The following ASPH variants were observed in gnomAD, a reference collection of about 807,000 sequenced individuals.
ASPH encodes the protein aspartate beta-hydroxylase.
Under a neutral mutation model 118.4 loss-of-function variants are expected in ASPH, and 100 were observed. That is an observed-to-expected ratio of 0.84 (90% CI 0.72 to 1.00). The LOEUF (loss-of-function observed/expected upper bound fraction) is 1.00. Among genes scored for constraint, ASPH ranks in the 50% least tolerant of loss-of-function variants. The pLI is 0.00. For missense variants in ASPH, 920 were observed against 919.5 expected, an observed-to-expected ratio of 1.00 and a Z score of -0.01; for synonymous variants, 315 against 325.6, an observed-to-expected ratio of 0.97 and a Z score of 0.35.
At position 61,638,451 on chromosome 8, in the gene ASPH, T is replaced by A. The variant is rs116330472; in HGVS notation, c.791-88A>T. On this transcript the variant is annotated intron_variant, in intron 10 of 24. Coordinates refer to ENST00000379454, the MANE Select transcript of ASPH (RefSeq NM_004318.4). ...ATGCTTTAAGGGCAGAGACAATGCC[T>A]TATGCATCTTTGAACCTGCAAGGTT... 1.1e-3 allele frequency: 1,294 copies of A among 1,136,022 alleles called. 11 individuals are homozygous for A. In the African/African-American group the frequency reaches 0.017, roughly 15 times the overall value. The allele number at this position is 1,136,022 out of a possible 1,614,324, so 70.4% of individuals were successfully genotyped here.
Position 61,624,626 on chromosome 8 carries a change from C to T in ASPH, c.935-5607G>A, listed in dbSNP as rs532995716. 2.5e-4 allele frequency: 249 copies of T among 985,334 alleles called. 1 individual carries two copies. The South Asian group carries it at 8.0e-3, about 32-fold the overall frequency. The allele number at this position is 985,334 out of a possible 1,614,324, so 61.0% of individuals were successfully genotyped here. A position where few individuals can be genotyped will look rare whatever the true frequency, so the allele number is the denominator to read the frequency against. ...AATCCACCGATGTTGCACAATGGCACATATTTGTAAAGACAAGGCTCATTA... is the reference window on the plus strand; with the variant it reads ...AATCCACCGATGTTGCACAATGGCATATATTTGTAAAGACAAGGCTCATTA... On this transcript the variant is annotated intron_variant, in intron 13 of 24. Transcript: ENST00000379454.
chr8:61,525,367 C>T (rs1563695636), intron 22 of ASPH, among the ~76,000 whole-genome samples: 1 of 145,066 alleles, frequency 6.9e-6, no homozygotes, highest in East Asian at 2.4e-4. Context: ...CACACACACA[C>T]ACATACACAC....
At position 61,578,693 on chromosome 8, in the gene ASPH, G is replaced by A. The variant is rs897822000; in HGVS notation, c.1063-1835C>T. The A allele has an allele frequency of 6.8e-5, 109 of 1,606,856 alleles. 1 individual carries two copies. The Middle Eastern group carries it at 1.3e-3, about 19-fold the overall frequency. ...AGCTGGAGACTCTGGGCCAGGAGAA[G>A]CTGAAGCTGGAGGCGGAGCTTGGCA... On this transcript the variant is annotated intron_variant, in intron 15 of 24. Coordinates refer to ENST00000379454, the MANE Select transcript of ASPH (RefSeq NM_004318.4).
intron 24 of ASPH, among the ~76,000 whole-genome samples, chr8:61,505,016 C>G (rs139199998): frequency 0.088 from 13,377 of 152,082 alleles, 680 homozygotes; most frequent in Non-Finnish European, 0.12. Context: ...CAAATCTCAT[C>G]TTGAATTGTA....
At chr8:61,544,850 T>C (rs1300478057) in intron 21 of ASPH, among the ~76,000 whole-genome samples, 1 of 152,178 alleles carries the variant, frequency 6.6e-6, no homozygotes, top group Non-Finnish European at 1.5e-5. Flanking sequence ...AAAGAAAGTA[T>C]AAAGGGCTTT....
At chr8:61,665,577 T>C in intron 3 of ASPH, 4 of 1,591,910 alleles carry the variant, frequency 2.5e-6, no homozygotes, top group Non-Finnish European at 2.6e-6. Flanking sequence ...TCTTTCTCCT[T>C]CTTGAGCTCT....
Position 61,614,749 on chromosome 8 carries a change from C to G in ASPH, c.976+4229G>C, listed in dbSNP as rs1433315081. 2.6e-5 allele frequency among the ~76,000 whole-genome samples: 4 copies of G among 152,118 alleles called. No homozygotes were observed. In the East Asian group the frequency reaches 7.7e-4, roughly 29 times the overall value. ...TCAAGTGATCCTCCCCTTGGCCTTC[C>G]AAAGTGCTGAGATTATAGGCATTAG... On this transcript the variant is annotated intron_variant, in intron 14 of 24. Transcript: ENST00000379454.
Position 61,653,550 on chromosome 8 carries a change from G to A in ASPH, c.415+18C>T. The stretch of plus-strand genomic sequence containing the variant: ...TCTGGCACACCTGGGCGAGACTCGA[G>A]GATGAGGACAAGCTTACCTGCCTCC... On this transcript the variant is annotated intron_variant, in intron 4 of 24. Coordinates refer to ENST00000379454, the MANE Select transcript of ASPH (RefSeq NM_004318.4). The A allele has an allele frequency of 6.2e-7, 1 of 1,611,504 alleles. No individual in the cohort carries two copies. Among genetic ancestry groups the A allele is most frequent in the Non-Finnish European group, 8.5e-7 (1 of 1,179,128 alleles).
At chr8:61,612,899 C>G (rs1242639905) in intron 14 of ASPH, among the ~76,000 whole-genome samples, 4 of 152,140 alleles carry the variant, frequency 2.6e-5, no homozygotes, top group African/African-American at 9.7e-5. Context: ...AAAGTTAATT[C>G]ATAGTTTGAC....
chr8:61,704,232 A>C (rs1835995679), intron 1 of ASPH, among the ~76,000 whole-genome samples: 2 of 107,702 alleles, frequency 1.9e-5, no homozygotes, highest in South Asian at 5.7e-4. Context: ...AAAAAAAAAA[A>C]ACAGAGGGGC....
At position 61,714,290 on chromosome 8, in the gene ASPH, T is replaced by C; in HGVS notation, c.82A>G (p.Ser28Gly). The part of the protein sequence containing the change: ...SGSGSTSAGS[S>G]SPGARRETKH... The stretch of plus-strand genomic sequence containing the variant: ...TGACCTCTCCGGGCCCCGGGGCTGC[T>C]GCTGCCCGCACTCGTGCTACCGCTG... Residue 28 changes from serine to glycine, a missense_variant, in exon 1 of 25, where the codon AGC becomes GGC. Physicochemically the swap from Ser to Gly is moderately conservative, Grantham distance 56. Coordinates refer to ENST00000379454, the MANE Select transcript of ASPH (RefSeq NM_004318.4). 6.6e-7 allele frequency: 1 copy of C among 1,521,426 alleles called. No homozygotes were observed. Among genetic ancestry groups the C allele is most frequent in the Non-Finnish European group, 8.8e-7 (1 of 1,136,286 alleles). The allele number at this position is 1,521,426 out of a possible 1,614,324, so 94.2% of individuals were successfully genotyped here.
intron 15 of ASPH, chr8:61,579,364 T>C: frequency 6.2e-7 from 1 of 1,614,064 alleles, no homozygotes; most frequent in Non-Finnish European, 8.5e-7. Context: ...AACGTCAAGC[T>C]GGCCCTGGAC....
At chr8:61,674,951 G>C (rs999778701) in intron 3 of ASPH, among the ~76,000 whole-genome samples, 1 of 152,144 alleles carries the variant, frequency 6.6e-6, no homozygotes, top group Non-Finnish European at 1.5e-5. Context: ...CCTTCAAAAA[G>C]TAACATCCCT....
chr8:61,698,591 A>G (rs1834484931), intron 1 of ASPH, among the ~76,000 whole-genome samples: 1 of 152,188 alleles, frequency 6.6e-6, no homozygotes, highest in South Asian at 2.1e-4. Context: ...TGATCAAGTT[A>G]ACTTTTAGCC....
At chr8:61,663,988 A>G (rs959958090) in intron 3 of ASPH, 2 of 863,040 alleles carry the variant, frequency 2.3e-6, no homozygotes, top group Non-Finnish European at 2.8e-6. Flanking sequence ...GTAAATAAAT[A>G]TGTTTTAAAA....
intron 14 of ASPH, among the ~76,000 whole-genome samples, chr8:61,615,234 T>C (rs1848642203): frequency 6.6e-6 from 1 of 152,158 alleles, no homozygotes; most frequent in Non-Finnish European, 1.5e-5. Context: ...CTGAGGACCA[T>C]GAGAATGCTC....
chr8:61,563,763 T>A (rs1315656033), intron 17 of ASPH, among the ~76,000 whole-genome samples: 1 of 152,214 alleles, frequency 6.6e-6, no homozygotes, highest in Non-Finnish European at 1.5e-5. Context: ...ATACCTTTCC[T>A]TCCCCCTATC....
intron 1 of ASPH, among the ~76,000 whole-genome samples, chr8:61,684,924 A>G (rs1048935941): frequency 6.6e-6 from 1 of 152,208 alleles, no homozygotes; most frequent in African/African-American, 2.4e-5. Flanking sequence ...GATATACAAT[A>G]TTCAAATTTC....
chr8:61,582,357 A>G (rs529003780), intron 15 of ASPH, among the ~76,000 whole-genome samples: 3 of 152,238 alleles, frequency 2.0e-5, no homozygotes, highest in Non-Finnish European at 4.4e-5. Context: ...CACCTGTGCA[A>G]TAGGCACTCC....
Sources: allele counts gnomAD v4.1 joint callset (sites outside exome capture counted in the v4.1 genomes callset), GRCh38; gene constraint gnomAD v4.1.1; transcripts MANE v1.5; gene names NCBI Gene and HGNC (gene_info 2026-07-23, HGNC 2026-07-21).